CALN1: variants seen among roughly 807,000 people sequenced by gnomAD.
CALN1 encodes the protein calneuron 1, also known as calcium-binding protein 8.
CALN1 carries 17 observed loss-of-function variants against 30.6 expected under a neutral mutation model. The ratio of observed to expected loss-of-function variants is 0.56; its 90% CI spans 0.38 to 0.83. The LOEUF (loss-of-function observed/expected upper bound fraction) is 0.83. Ranked by LOEUF, CALN1 falls within the 40% of genes least tolerant of loss-of-function variation. The pLI is 0.00. For synonymous variants in CALN1, 156 were observed against 131.4 expected, an observed-to-expected ratio of 1.19 and a Z score of -1.28; for missense variants, 291 against 354.9, an observed-to-expected ratio of 0.82 and a Z score of 1.45.
At chr7:72,291,148 T>A (rs972995885) in intron 2 of CALN1, among the ~76,000 whole-genome samples, 1 of 152,170 alleles carries the variant, frequency 6.6e-6, no homozygotes, top group African/African-American at 2.4e-5. Context: ...GGTTTCGAAC[T>A]CCTGCCTCAA....
intron 3 of CALN1, 106 bp downstream of exon 3, chr7:72,278,580 C>T (rs1797516935): frequency 2.7e-6 from 4 of 1,483,284 alleles, no homozygotes; most frequent in Non-Finnish European, 3.7e-6. Context: ...TTGGCCACAA[C>T]TGCCAAGGAG....
chr7:72,188,468 G>A (rs964693530), intron 3 of CALN1, among the ~76,000 whole-genome samples: 9 of 151,700 alleles, frequency 5.9e-5, no homozygotes, highest in African/African-American at 1.7e-4. Context: ...ACCAAACATC[G>A]TATGTTCTCA....
chr7:72,176,364 G>A (rs1463229972), intron 3 of CALN1, among the ~76,000 whole-genome samples: 4 of 152,152 alleles, frequency 2.6e-5, no homozygotes, highest in African/African-American at 9.7e-5. Context: ...GATAGAGTTT[G>A]GATGTTTGTC....
chr7:71,923,273 T>C (rs1053967206), intron 5 of CALN1, among the ~76,000 whole-genome samples: 1 of 152,194 alleles, frequency 6.6e-6, no homozygotes, highest in Non-Finnish European at 1.5e-5. Context: ...AATGATTACT[T>C]CTGTGCTCTG....
chr7:72,471,318 T>C, the CALN1 span, among the ~76,000 whole-genome samples: 1 of 152,178 alleles, frequency 6.6e-6, no homozygotes, highest in Admixed American at 6.5e-5. Context: ...GTGTATTTCA[T>C]TGGGATCTCC....
chr7:72,290,674 T>G (rs1298707166), intron 2 of CALN1, among the ~76,000 whole-genome samples: 2 of 152,228 alleles, frequency 1.3e-5, no homozygotes, highest in Non-Finnish European at 2.9e-5. Flanking sequence ...CTTTAAACTC[T>G]TTTTAATTGT....
intron 2 of CALN1, among the ~76,000 whole-genome samples, chr7:72,286,279 T>G (rs1164944997): frequency 6.6e-6 from 1 of 152,148 alleles, no homozygotes; most frequent in African/African-American, 2.4e-5. Context: ...CACCACCATC[T>G]CTTCCACCAC....
intron 3 of CALN1, among the ~76,000 whole-genome samples, chr7:72,215,437 T>C (rs1014131399): frequency 6.6e-6 from 1 of 151,650 alleles, no homozygotes; most frequent in Non-Finnish European, 1.5e-5. Context: ...CTACCAAAAA[T>C]ACAAAAATTA....
chr7:72,335,981 A>T (rs1022298863), intron 2 of CALN1, among the ~76,000 whole-genome samples: 1 of 152,110 alleles, frequency 6.6e-6, no homozygotes, highest in Non-Finnish European at 1.5e-5. Context: ...ACCCGAGTAA[A>T]CCCAGACTGT....
chr7:72,215,779 C>G (rs905605135), intron 3 of CALN1, among the ~76,000 whole-genome samples: 1 of 152,052 alleles, frequency 6.6e-6, no homozygotes, highest in Non-Finnish European at 1.5e-5. Context: ...CCCTGCTGCA[C>G]GAGGCCTTTG....
intron 2 of CALN1, among the ~76,000 whole-genome samples, chr7:72,400,093 A>G (rs1034844748): frequency 6.6e-6 from 1 of 152,004 alleles, no homozygotes; most frequent in African/African-American, 2.4e-5. Flanking sequence ...CTTTTTTTTA[A>G]TCAATTACCC....
chr7:72,206,155 T>C (rs1791866356), intron 3 of CALN1, among the ~76,000 whole-genome samples: 1 of 152,224 alleles, frequency 6.6e-6, no homozygotes, highest in South Asian at 2.1e-4. Flanking sequence ...CCATTTATTC[T>C]TCAGACGAAT....
chr7:72,292,676 C>T (rs1171770568), intron 2 of CALN1, among the ~76,000 whole-genome samples: 1 of 151,148 alleles, frequency 6.6e-6, no homozygotes, highest in Non-Finnish European at 1.5e-5. Context: ...TAAAAATTAG[C>T]CAGGCATGGT....
chr7:72,419,341 T>A (rs937140125), intron 1 of CALN1, among the ~76,000 whole-genome samples: 4 of 152,070 alleles, frequency 2.6e-5, no homozygotes, highest in Non-Finnish European at 5.9e-5. Flanking sequence ...TCCCTAGTCC[T>A]TCTTTGGGAA....
intron 2 of CALN1, among the ~76,000 whole-genome samples, chr7:72,355,870 C>T (rs1005623787): frequency 2.0e-5 from 3 of 152,062 alleles, no homozygotes; most frequent in Admixed American, 1.3e-4. Flanking sequence ...AAGGTTTATA[C>T]ATTTTGTCAA....
chr7:72,216,070 G>A (rs1240338942), intron 3 of CALN1, among the ~76,000 whole-genome samples: 1 of 151,978 alleles, frequency 6.6e-6, no homozygotes, highest in Non-Finnish European at 1.5e-5. Context: ...TTGCACACTT[G>A]ATCTCAACAT....
chr7:71,955,910 G>T (rs1796936002), intron 5 of CALN1, among the ~76,000 whole-genome samples: 1 of 152,008 alleles, frequency 6.6e-6, no homozygotes, highest in African/African-American at 2.4e-5. Context: ...CACCTGGGTG[G>T]TACCTGGTGA....
chr7:72,373,655 G>GTA (rs1804379804), intron 2 of CALN1, among the ~76,000 whole-genome samples: 1 of 152,158 alleles, frequency 6.6e-6, no homozygotes, highest in Non-Finnish European at 1.5e-5. Flanking sequence ...GGTAGGTTAG[G>GTA]TATATTACAT....
intron 3 of CALN1, among the ~76,000 whole-genome samples, chr7:72,193,560 C>T (rs1055338424): frequency 6.6e-6 from 1 of 152,118 alleles, no homozygotes; most frequent in Non-Finnish European, 1.5e-5. Context: ...TTACAGAAAC[C>T]TAGATGGCCT....
Sources: gnomAD v4.1 joint callset for allele counts (sites outside exome capture counted in the v4.1 genomes callset) on GRCh38, gnomAD v4.1.1 for gene constraint, MANE v1.5 for transcripts, NCBI Gene and HGNC (gene_info 2026-07-23, HGNC 2026-07-21) for gene names.